SMYD3: variants seen among roughly 807,000 people sequenced by gnomAD.
SMYD3 encodes histone-lysine N-methyltransferase SMYD3.
Under a neutral mutation model 57.7 loss-of-function variants are expected in SMYD3, and 36 were observed. That is an observed-to-expected ratio of 0.62 (90% CI 0.48 to 0.82). The LOEUF (loss-of-function observed/expected upper bound fraction) is 0.82, where lower values mean the gene tolerates loss of function less well. Among genes scored for constraint, SMYD3 ranks in the 40% least tolerant of loss-of-function variants. The pLI, the probability that SMYD3 is intolerant of heterozygous loss-of-function variation, is 0.00. For synonymous variants in SMYD3, 211 were observed against 195.0 expected (o/e 1.08, Z -0.68); for missense variants, 515 against 538.8 (o/e 0.96, Z 0.44).
At chr1:246,262,524 T>C (rs1003353940) in intron 5 of SMYD3, among the ~76,000 whole-genome samples, 1 of 152,172 alleles carries the variant, frequency 6.6e-6, no homozygotes, top group Admixed American at 6.5e-5. Flanking sequence ...CATTACTAAT[T>C]TGGGTGACTC....
At position 246,041,126 on chromosome 1, in the gene SMYD3, G is replaced by A. The variant is rs141881223; in HGVS notation, c.532-111189C>T. Among the ~76,000 whole-genome samples the A allele has an allele frequency of 3.2e-4, 48 of 152,226 alleles. No individual in the cohort carries two copies. In the East Asian group the frequency reaches 7.9e-3, roughly 25 times the overall value. On this transcript the variant is annotated intron_variant, in intron 5 of 11. Coordinates refer to ENST00000490107, the MANE Select transcript of SMYD3 (RefSeq NM_001167740.2). The stretch of plus-strand genomic sequence containing the variant: ...CATTCAGTACAGTAACATGCTGTTC[G>A]GGTTTATAGCCCAGGAGCAAGAGAC...
chr1:246,008,571 A>C (rs2059219535), intron 5 of SMYD3, among the ~76,000 whole-genome samples: 1 of 152,212 alleles, frequency 6.6e-6, no homozygotes, highest in Non-Finnish European at 1.5e-5. Context: ...TTGAAAAATA[A>C]ATACTAGAGG....
intron 10 of SMYD3, among the ~76,000 whole-genome samples, chr1:245,808,049 T>A (rs1469603366): frequency 6.6e-6 from 1 of 152,140 alleles, no homozygotes; most frequent in East Asian, 1.9e-4. Context: ...TAAAGGGCGA[T>A]TCAAATTCTT....
At chr1:246,264,009 G>C (rs12121658) in intron 5 of SMYD3, among the ~76,000 whole-genome samples, 43 of 151,630 alleles carry the variant, frequency 2.8e-4, no homozygotes, top group Non-Finnish European at 5.9e-4. Flanking sequence ...CTAGCCAAAA[G>C]GCCATATTGC....
intron 10 of SMYD3, among the ~76,000 whole-genome samples, chr1:245,833,852 G>A (rs1005088009): frequency 6.6e-6 from 1 of 152,204 alleles, no homozygotes; most frequent in African/African-American, 2.4e-5. Context: ...GGTCTCACCC[G>A]CATGAATCTT....
intron 1 of SMYD3, among the ~76,000 whole-genome samples, chr1:246,452,511 G>GA (rs1432670757): frequency 2.6e-5 from 4 of 151,404 alleles, no homozygotes; most frequent in African/African-American, 9.7e-5. Flanking sequence ...AAAAGAAACG[G>GA]AAAAAAAAGA....
intron 5 of SMYD3, among the ~76,000 whole-genome samples, chr1:246,252,643 A>G (rs544621501): frequency 6.6e-6 from 1 of 152,352 alleles, no homozygotes; most frequent in East Asian, 1.9e-4. Context: ...ACTGGGTACA[A>G]ACCACCTGGT....
intron 1 of SMYD3, among the ~76,000 whole-genome samples, chr1:246,502,848 C>T (rs2068478155): frequency 6.6e-6 from 1 of 152,182 alleles, no homozygotes; most frequent in African/African-American, 2.4e-5. Context: ...TATAGTCACA[C>T]AGTCTTTTGT....
chr1:246,375,042 G>A (rs559432074), intron 1 of SMYD3, among the ~76,000 whole-genome samples: 4 of 152,238 alleles, frequency 2.6e-5, no homozygotes, highest in Admixed American at 1.3e-4. Context: ...GCAGTGAGCC[G>A]AGATCGCGCT....
chr1:246,387,420 A>C (rs1247711503), intron 1 of SMYD3, among the ~76,000 whole-genome samples: 1 of 152,248 alleles, frequency 6.6e-6, no homozygotes, highest in Non-Finnish European at 1.5e-5. Context: ...ATTTAAAGTG[A>C]ACATGGTACC....
At chr1:245,864,886 C>G (rs1216779913) in intron 8 of SMYD3, among the ~76,000 whole-genome samples, 1 of 152,176 alleles carries the variant, frequency 6.6e-6, no homozygotes. Context: ...ACCCATGTGA[C>G]CCAATTCTGA....
intron 10 of SMYD3, among the ~76,000 whole-genome samples, chr1:245,809,508 C>CCT (rs1238909327): frequency 1.3e-5 from 2 of 152,102 alleles, no homozygotes; most frequent in African/African-American, 4.8e-5. Flanking sequence ...AAGAAGTGCC[C>CCT]CTCCCTGAGA....
intron 5 of SMYD3, among the ~76,000 whole-genome samples, chr1:245,946,921 A>T (rs559719216): frequency 6.6e-6 from 1 of 152,328 alleles, no homozygotes; most frequent in Admixed American, 6.5e-5. Flanking sequence ...TATTTTCCTG[A>T]CTATTGGCCA....
chr1:246,500,446 T>C (rs2068439574), intron 1 of SMYD3, among the ~76,000 whole-genome samples: 1 of 152,188 alleles, frequency 6.6e-6, no homozygotes, highest in Non-Finnish European at 1.5e-5. Flanking sequence ...TTAGAGATGG[T>C]GGTATTACAC....
intron 5 of SMYD3, chr1:246,326,775 G>C: frequency 3.9e-6 from 1 of 254,392 alleles, no homozygotes. Context: ...AAACAAAAAA[G>C]AAAAGAAAAG....
intron 11 of SMYD3, among the ~76,000 whole-genome samples, chr1:245,752,131 T>C (rs1202690394): frequency 6.6e-6 from 1 of 152,166 alleles, no homozygotes; most frequent in Non-Finnish European, 1.5e-5. Context: ...CATGGGAAAT[T>C]TTCTTACTTG....
At chr1:245,794,049 T>TACATATTTACATACC (rs1302331917) in intron 10 of SMYD3, among the ~76,000 whole-genome samples, 2 of 152,254 alleles carry the variant, frequency 1.3e-5, no homozygotes, top group East Asian at 3.8e-4. Flanking sequence ...CTTAATCATT[T>TACATATTTACATACC]ACATGTATGG....
chr1:245,830,626 C>T (rs994422961), intron 10 of SMYD3, among the ~76,000 whole-genome samples: 1 of 152,038 alleles, frequency 6.6e-6, no homozygotes, highest in Admixed American at 6.5e-5. Context: ...AGTTTCTGGG[C>T]CAAAAATTGG....
chr1:246,416,988 G>C (rs1183607489), intron 1 of SMYD3, among the ~76,000 whole-genome samples: 1 of 152,160 alleles, frequency 6.6e-6, no homozygotes, highest in African/African-American at 2.4e-5. Context: ...AGACCAGACA[G>C]ACTGTTCGTC....
Sources: gnomAD v4.1 joint callset for allele counts (sites outside exome capture counted in the v4.1 genomes callset) on GRCh38, gnomAD v4.1.1 for gene constraint, MANE v1.5 for transcripts, NCBI Gene and HGNC (gene_info 2026-07-23, HGNC 2026-07-21) for gene names.